Variants in STS observed in about 807,000 individuals in gnomAD.
STS encodes the protein steroid sulfatase, also known as steryl-sulfatase.
A neutral mutation model predicts 26.8 loss-of-function variants in STS; 7 were observed. That is an observed-to-expected ratio of 0.26 (90% confidence interval 0.15 to 0.49). The LOEUF is 0.49. Ranked by LOEUF, STS falls within the 20% of genes least tolerant of loss-of-function variation. The pLI, the probability that STS is intolerant of heterozygous loss-of-function variation, is 0.98. For synonymous variants in STS, 199 were observed against 189.4 expected (o/e 1.05, Z -0.42); for missense variants, 434 against 465.6 (o/e 0.93, Z 0.63).
intron 2 of STS, among the ~76,000 whole-genome samples, chrX:7,195,382 T>G (rs139352240): frequency 0.042 from 4,709 of 112,050 alleles, 236 homozygotes; most frequent in African/African-American, 0.14. Context: ...CCATTCTGTG[T>G]TTGTCTCTGC....
rs1415365232 is a variant in STS at position 7,350,143 on chromosome X, C to T, written c.1619C>T (p.Pro540Leu). ...CACACCCAGACCCTGCCAGAGGTGC[C>T]CGATCAGTTTTCATGGAACAACTTT... ...DRHTQTLPEV[P>L]DQFSWNNFLW... The change falls in exon 11 of 11, where the codon CCC (proline) becomes CTC (leucine). Residue 540 changes from proline (P) to leucine (L), a missense_variant. Around this residue, in one of 2 missense-constraint regions of STS, gnomAD observed 205 missense variants for 177.3 expected, o/e 1.16. Coordinates refer to ENST00000674429, the MANE Select transcript of STS (RefSeq NM_001320752.2). 4 of 1,210,478 alleles carry T rather than the reference C, an allele frequency of 3.3e-6. No homozygotes were observed. The African/African-American group carries it at 7.0e-5, about 21-fold the overall frequency.
chrX:7,208,769 G>C (rs1178094616), intron 2 of STS, among the ~76,000 whole-genome samples: 1 of 111,710 alleles, frequency 9.0e-6, no homozygotes, highest in African/African-American at 3.3e-5. Context: ...TAACCTTACA[G>C]TTCGGGAAGT....
intron 2 of STS, among the ~76,000 whole-genome samples, chrX:7,217,129 C>T (rs1023115585): frequency 5.4e-5 from 6 of 110,971 alleles, no homozygotes; most frequent in African/African-American, 1.6e-4. Context: ...TCCTCCTAAC[C>T]GACCTAGCAG....
chrX:7,263,293 T>A (rs1306209908), intron 6 of STS, among the ~76,000 whole-genome samples: 1 of 112,220 alleles, frequency 8.9e-6, no homozygotes, highest in Non-Finnish European at 1.9e-5. Context: ...GGTCTCGAAC[T>A]CCTGACCTCA....
At chrX:7,244,355 T>C (rs1387913167) in intron 2 of STS, among the ~76,000 whole-genome samples, 1 of 112,060 alleles carries the variant, frequency 8.9e-6, no homozygotes, top group African/African-American at 3.2e-5. Context: ...TTTGCGGAAG[T>C]ATGTTATACC....
At chrX:7,272,976 A>C (rs1924357997) in intron 6 of STS, among the ~76,000 whole-genome samples, 1 of 111,105 alleles carries the variant, frequency 9.0e-6, no homozygotes, top group Admixed American at 9.6e-5. Flanking sequence ...GCAAAACCCC[A>C]TCTCTACTAA....
intron 3 of STS, 68 bp downstream of exon 3, chrX:7,253,404 T>G: frequency 8.4e-7 from 1 of 1,183,496 alleles, no homozygotes; most frequent in Non-Finnish European, 1.1e-6. Context: ...GGATGGTTAT[T>G]GTTGATCTAC....
intron 1 of STS, among the ~76,000 whole-genome samples, chrX:7,176,375 C>T (rs1371347078): frequency 5.4e-5 from 6 of 111,362 alleles, no homozygotes; most frequent in Admixed American, 2.9e-4. Context: ...CTGAGATAGC[C>T]GGCATACTCC....
At chrX:7,282,259 A>C (rs1180259660) in intron 7 of STS, among the ~76,000 whole-genome samples, 1 of 112,038 alleles carries the variant, frequency 8.9e-6, no homozygotes, top group Non-Finnish European at 1.9e-5. Context: ...GGAGTGTAGT[A>C]GCTCAATCTT....
At position 7,259,527 on chromosome X, in the gene STS, C is replaced by G. The variant is rs755543529; in HGVS notation, c.561C>G (p.Ile187Met). The change falls in exon 6 of 11, where the codon ATC becomes ATG. Residue 187 changes from isoleucine (I) to methionine (M), a missense_variant. This residue lies in a region of STS where 229 missense variants were observed against 288.3 expected (regional missense o/e 0.79). Coordinates refer to ENST00000674429, the MANE Select transcript of STS (RefSeq NM_001320752.2). ...FKRLVFLPLQ[I>M]VGVTLLTLAA... ...GGCTGGTCTTCCTCCCCCTGCAGAT[C>G]GTCGGGGTCACCCTCCTTACCCTTG... 1.7e-6 allele frequency: 2 copies of G among 1,209,922 alleles called. No individual in the cohort carries two copies. The highest frequency in any genetic ancestry group is 1.7e-5 in the African/African-American group (1 of 57,224).
At chrX:7,212,775 A>G (rs1921087029) in intron 2 of STS, among the ~76,000 whole-genome samples, 1 of 112,166 alleles carries the variant, frequency 8.9e-6, no homozygotes, top group African/African-American at 3.2e-5. Flanking sequence ...ACTTTAGTGA[A>G]TTTGCTTGAT....
At chrX:7,323,459 A>G (rs1398370680) in intron 8 of STS, among the ~76,000 whole-genome samples, 19 of 111,457 alleles carry the variant, frequency 1.7e-4, no homozygotes, top group Non-Finnish European at 2.8e-4. Flanking sequence ...CCCACTTATA[A>G]GTAAGAACAT....
chrX:7,180,303 A>G (rs759290067), intron 1 of STS, among the ~76,000 whole-genome samples: 6 of 112,013 alleles, frequency 5.4e-5, no homozygotes, highest in Non-Finnish European at 1.1e-4. Flanking sequence ...TAGATCATCA[A>G]GCATTAGATT....
At chrX:7,316,865 T>C (rs1395015316) in intron 8 of STS, among the ~76,000 whole-genome samples, 1 of 111,928 alleles carries the variant, frequency 8.9e-6, no homozygotes, top group East Asian at 2.8e-4. Flanking sequence ...GGGGTTTGCC[T>C]CAATTCAGAG....
At chrX:7,275,696 T>A (rs1361411556) in intron 6 of STS, among the ~76,000 whole-genome samples, 2 of 111,099 alleles carry the variant, frequency 1.8e-5, no homozygotes, top group Non-Finnish European at 3.8e-5. Flanking sequence ...GTTGGGTCTT[T>A]GGGGGATGTC....
intron 2 of STS, among the ~76,000 whole-genome samples, chrX:7,202,013 T>A (rs1468382278): frequency 9.0e-6 from 1 of 111,630 alleles, no homozygotes; most frequent in Non-Finnish European, 1.9e-5. Context: ...TCTGTGAGTG[T>A]GTTTCCAGAG....
chrX:7,326,370 C>A (rs1241611311), intron 9 of STS, among the ~76,000 whole-genome samples: 3 of 111,625 alleles, frequency 2.7e-5, no homozygotes, highest in Non-Finnish European at 5.6e-5. Context: ...CTTGGTCTTT[C>A]GGCATCGTGC....
chrX:7,182,448 C>T (rs1388386713), intron 1 of STS, among the ~76,000 whole-genome samples: 2 of 109,333 alleles, frequency 1.8e-5, no homozygotes, highest in East Asian at 5.8e-4. Context: ...TACCTAACTA[C>T]AAGCAGAAAT....
chrX:7,253,378 T>A (rs1923239476), intron 3 of STS, 42 bp downstream of exon 3: 1 of 1,202,611 alleles, frequency 8.3e-7, no homozygotes, highest in African/African-American at 1.8e-5. Flanking sequence ...GCTGTATTCA[T>A]AGGCAACAGT....
Sources: allele counts gnomAD v4.1 joint callset (sites outside exome capture counted in the v4.1 genomes callset), GRCh38; gene constraint gnomAD v4.1.1; regional missense constraint gnomAD v4.1.1; transcripts MANE v1.5; gene names NCBI Gene and HGNC (gene_info 2026-07-23, HGNC 2026-07-21).